RAB27B: variants seen among roughly 807,000 people sequenced by gnomAD.
RAB27B encodes the protein RAB27B, member RAS oncogene family.
A neutral mutation model predicts 24.6 loss-of-function variants in RAB27B; 15 were observed. The observed-to-expected ratio is 0.61, with a 90% confidence interval of 0.41 to 0.94. The LOEUF (loss-of-function observed/expected upper bound fraction) is 0.94, where lower values mean the gene tolerates loss of function less well. Ranked by LOEUF, RAB27B falls within the 40% of genes least tolerant of loss-of-function variation. RAB27B has a pLI of 0.00. For synonymous variants in RAB27B, 105 were observed against 92.5 expected (o/e 1.14, Z -0.78); for missense variants, 261 against 266.8 (o/e 0.98, Z 0.15).
intron 1 of RAB27B, among the ~76,000 whole-genome samples, chr18:54,860,524 T>A (rs893228672): frequency 5.9e-5 from 9 of 152,154 alleles, no homozygotes; most frequent in African/African-American, 2.2e-4. Context: ...CCCTCCTGAT[T>A]ATTTCTGCCC....
intron 2 of RAB27B, among the ~76,000 whole-genome samples, 155 bp from the exon 3 acceptor site, chr18:54,879,214 T>C (rs992941534): frequency 5.3e-5 from 8 of 152,150 alleles, no homozygotes; most frequent in African/African-American, 1.9e-4. Context: ...TGAGAGTACA[T>C]GTGATAATTC....
chr18:54,859,456 A>G (rs1352908477), intron 1 of RAB27B, among the ~76,000 whole-genome samples: 2 of 151,520 alleles, frequency 1.3e-5, no homozygotes, highest in Non-Finnish European at 2.9e-5. Context: ...AATATTTCAT[A>G]ACTTTTATCA....
intron 2 of RAB27B, among the ~76,000 whole-genome samples, chr18:54,822,640 T>C (rs1218228671): frequency 6.6e-6 from 1 of 152,240 alleles, no homozygotes; most frequent in African/African-American, 2.4e-5. Flanking sequence ...GTCATATGAC[T>C]TGTAGAAAAT....
rs76020632 is a variant in RAB27B, at chr18:54,838,722, G to A, written c.-20+10022G>A. Among the ~76,000 whole-genome samples the A allele has an allele frequency of 5.4e-3, 823 of 152,214 alleles. 2 individuals are homozygous for A. The highest frequency in any genetic ancestry group is 0.016 in the African/African-American group (666 of 41,570). ...GATCATAGATGGAGAACATTTAAAT[G>A]ACTCTTACGAGTTAGACACATACCT... On this transcript the variant is annotated intron_variant, in intron 1 of 5. Transcript: ENST00000262094.
At chr18:54,724,554 T>A (rs1339224979) in intron 2 of RAB27B, among the ~76,000 whole-genome samples, 2 of 151,194 alleles carry the variant, frequency 1.3e-5, no homozygotes, top group Non-Finnish European at 3.0e-5. Context: ...TGAAACTCCG[T>A]CCCTAATAAA....
rs113135313 is a variant in RAB27B, at chr18:54,846,728, C to G, written c.-20+18028C>G. ...AAATATATCAGATTTTTGGGAGAGACACATTTTTGTTTTCTATCAGTAAAT... is the reference window on the plus strand; with the variant it reads ...AAATATATCAGATTTTTGGGAGAGAGACATTTTTGTTTTCTATCAGTAAAT... On this transcript the variant is annotated intron_variant, in intron 1 of 5. Transcript: ENST00000262094. Among the ~76,000 whole-genome samples, 208 of 152,310 alleles carry G rather than the reference C, an allele frequency of 1.4e-3. 2 individuals carry two copies. The highest frequency in any genetic ancestry group is 4.9e-3 in the African/African-American group (203 of 41,562).
chr18:54,772,502 C>T (rs1374228518), intron 2 of RAB27B, among the ~76,000 whole-genome samples: 4 of 152,164 alleles, frequency 2.6e-5, no homozygotes, highest in Non-Finnish European at 5.9e-5. Context: ...CCTACGATTC[C>T]ACACAGCAAT....
intron 2 of RAB27B, among the ~76,000 whole-genome samples, chr18:54,769,121 G>GT (rs1254706847): frequency 2.6e-5 from 4 of 152,128 alleles, no homozygotes; most frequent in Admixed American, 6.6e-5. Context: ...AGTCTCTTCT[G>GT]TTTATGAGCC....
At chr18:54,762,431 G>T (rs1323695402) in intron 2 of RAB27B, among the ~76,000 whole-genome samples, 1 of 152,090 alleles carries the variant, frequency 6.6e-6, no homozygotes, top group Non-Finnish European at 1.5e-5. Flanking sequence ...CATCCAGTTG[G>T]TTGTAATTTT....
At chr18:54,887,855 G>A in intron 4 of RAB27B, 140 bp from the exon 5 acceptor site, 1 of 887,550 alleles carries the variant, frequency 1.1e-6, no homozygotes, top group Non-Finnish European at 1.7e-6. Context: ...TGACTGGGAA[G>A]AGGAAGTAAC....
chr18:54,826,256 A>G (rs558719907), upstream of RAB27B, among the ~76,000 whole-genome samples: 3 of 152,322 alleles, frequency 2.0e-5, no homozygotes, highest in South Asian at 6.2e-4. Context: ...GTTATGCTAC[A>G]TAAACTCCAG....
chr18:54,815,450 G>A lies in RAB27B; in HGVS notation c.-19-62117G>A, dbSNP rs192747860. On this transcript the variant is annotated intron_variant, in intron 2 of 4. Transcript: ENST00000586570. ...ATGATTCTCATTTAACCACCAACAC[G>A]TAATGGCTATTTTCCAAATACTCCT... Among the ~76,000 whole-genome samples, 361 of 152,206 alleles carry A rather than the reference G, an allele frequency of 2.4e-3. 3 individuals carry two copies. The highest frequency in any genetic ancestry group is 2.3e-3 in the Non-Finnish European group (159 of 68,006).
At chr18:54,880,268 A>G (rs1429585391) in intron 3 of RAB27B, 1 of 152,196 alleles carries the variant, frequency 6.6e-6, no homozygotes, top group Non-Finnish European at 1.5e-5. Flanking sequence ...GGTAGACAGT[A>G]GTGTTAATTC....
At chr18:54,757,729 G>C (rs1908052844) in intron 2 of RAB27B, among the ~76,000 whole-genome samples, 1 of 152,076 alleles carries the variant, frequency 6.6e-6, no homozygotes, top group Non-Finnish European at 1.5e-5. Flanking sequence ...AGTTCTAGTT[G>C]AGATCATTCT....
At chr18:54,887,363 ATTCCGTAT>A (rs1362967697) in intron 4 of RAB27B, among the ~76,000 whole-genome samples, 2 of 151,994 alleles carry the variant, frequency 1.3e-5, no homozygotes, top group Non-Finnish European at 2.9e-5. Context: ...CCCCAGATGT[ATTCCGTAT>A]TTACTGAATA....
At chr18:54,809,194 ATAT>A (rs1484874724) in intron 2 of RAB27B, among the ~76,000 whole-genome samples, 2 of 152,186 alleles carry the variant, frequency 1.3e-5, no homozygotes, top group African/African-American at 2.4e-5. Flanking sequence ...ACTTTTTGAC[ATAT>A]TGTTGTTAGA....
In RAB27B at chr18:54,877,661, C is replaced by A; in HGVS notation, c.76C>A (p.Leu26Ile). The change falls in exon 2 of 6, where the codon CTT becomes ATT. Residue 26 changes from leucine (L) to isoleucine (I), a missense_variant. Transcript: ENST00000262094. The part of the protein sequence containing the change: ...GDSGVGKTTF[L>I]YRYTDNKFNP... Reference sequence around the variant, plus strand: ...TTCAGGGGTGGGGAAGACAACATTTCTTTATAGATACACAGATAATAAATT... The same window carrying A: ...TTCAGGGGTGGGGAAGACAACATTTATTTATAGATACACAGATAATAAATT... 1 of 1,597,232 alleles carries A rather than the reference C, an allele frequency of 6.3e-7. No homozygotes were observed. The highest frequency in any genetic ancestry group is 8.5e-7 in the Non-Finnish European group (1 of 1,174,990).
intron 2 of RAB27B, among the ~76,000 whole-genome samples, chr18:54,773,049 ACTTCTTTT>A (rs915287850): frequency 2.0e-5 from 3 of 151,724 alleles, no homozygotes; most frequent in African/African-American, 7.3e-5. Context: ...CCATGCCTAT[ACTTCTTTT>A]TTTTTTTAAA....
intron 2 of RAB27B, chr18:54,718,213 G>C (rs1031367406): frequency 1.1e-4 from 16 of 151,904 alleles, no homozygotes; most frequent in Non-Finnish European, 1.8e-4. Context: ...CCTCTTCTTC[G>C]TTGAAAGAGC....
Sources: allele counts gnomAD v4.1 joint callset (sites outside exome capture counted in the v4.1 genomes callset), GRCh38; gene constraint gnomAD v4.1.1; transcripts MANE v1.5; gene names NCBI Gene and HGNC (gene_info 2026-07-23, HGNC 2026-07-21).